The following LATS1 variants were observed in gnomAD, a reference collection of about 807,000 sequenced individuals.
The protein encoded by LATS1 is serine/threonine-protein kinase LATS1.
LATS1 carries 25 observed loss-of-function variants against 106.6 expected under a neutral mutation model. The observed-to-expected ratio is 0.23, with a 90% CI of 0.17 to 0.33. The LOEUF is 0.33. LATS1 is among the 10% of genes least tolerant of loss of function. The pLI is 1.00. For synonymous variants in LATS1, 465 were observed against 455.6 expected (o/e 1.02, Z -0.26); for missense variants, 1,040 against 1,382.6 (o/e 0.75, Z 3.93).
Position 149,679,912 on chromosome 6 carries a change from G to A in LATS1, c.2556C>T (p.Gly852=). Residue 852 remains glycine, a synonymous_variant, in exon 5 of 8, where the codon GGC becomes GGT. Coordinates refer to ENST00000543571, the MANE Select transcript of LATS1 (RefSeq NM_004690.4). ...ACTTAGAATCGTGTGTCCATCTGAA[G>A]CCAGTGCAGAGGCCAAAGTCAGTCA... is the stretch of plus-strand genomic sequence containing the variant. The part of the protein sequence containing the change: ...IKLTDFGLCT[G]FRWTHDSKYY... 1 of 1,611,060 alleles carries A rather than the reference G, an allele frequency of 6.2e-7. No homozygotes were observed. The highest frequency in any genetic ancestry group is 8.5e-7 in the Non-Finnish European group (1 of 1,178,562).
At chr6:149,696,850 T>A (rs933419713) in intron 2 of LATS1, among the ~76,000 whole-genome samples, 10 of 152,086 alleles carry the variant, frequency 6.6e-5, no homozygotes, top group African/African-American at 2.2e-4. Flanking sequence ...TAAAGTAGAG[T>A]GACACCTGGC....
chr6:149,675,109 C>T (rs146170550), intron 7 of LATS1, among the ~76,000 whole-genome samples: 7 of 150,804 alleles, frequency 4.6e-5, no homozygotes, highest in Admixed American at 2.0e-4. Flanking sequence ...CCCAGCTACT[C>T]GGGAGGCTGA....
At chr6:149,662,338 T>G in intron 7 of LATS1, 100 bp from the exon 8 acceptor site, 1 of 1,003,170 alleles carries the variant, frequency 1.0e-6, no homozygotes, top group South Asian at 1.7e-5. Flanking sequence ...ATTTTTGTAT[T>G]TTAAATAAAT....
chr6:149,701,734 C>A, intron 2 of LATS1, 45 bp downstream of exon 2: 1 of 1,425,002 alleles, frequency 7.0e-7, no homozygotes, highest in African/African-American at 1.4e-5. Flanking sequence ...TGTTATGTAG[C>A]ATAAGGTAAG....
chr6:149,666,359 TGTAATCCCA>T (rs139466118), intron 7 of LATS1, among the ~76,000 whole-genome samples: 3,645 of 152,192 alleles, frequency 0.024, 129 homozygotes, highest in African/African-American at 0.082. Context: ...GGCTCATGCC[TGTAATCCCA>T]GCACTTTGGG....
intron 5 of LATS1, 75 bp downstream of exon 5, chr6:149,679,792 TGATGATAC>T: frequency 9.6e-7 from 1 of 1,046,696 alleles, no homozygotes; most frequent in Admixed American, 2.7e-5. Flanking sequence ...TCTCATCCAG[TGATGATAC>T]CATCTTATAT....
chr6:149,682,415 CTT>C (rs869175355), intron 4 of LATS1, among the ~76,000 whole-genome samples: 17 of 138,276 alleles, frequency 1.2e-4, no homozygotes, highest in African/African-American at 1.3e-4. Flanking sequence ...TTTCTTTTTT[CTT>C]TTTTTTTTTT....
intron 1 of LATS1, among the ~76,000 whole-genome samples, chr6:149,711,697 A>T (rs370379096): frequency 9.2e-5 from 14 of 152,230 alleles, no homozygotes; most frequent in African/African-American, 2.9e-4. Context: ...GGGAAGGTAC[A>T]ACACACACTT....
intron 7 of LATS1, among the ~76,000 whole-genome samples, chr6:149,668,204 C>A (rs528909480): frequency 6.6e-6 from 1 of 150,918 alleles, no homozygotes; most frequent in South Asian, 2.1e-4. Flanking sequence ...CAGGCATGAG[C>A]CACTGCGCCC....
At chr6:149,706,437 G>C (rs780616226) in intron 1 of LATS1, among the ~76,000 whole-genome samples, 1 of 151,748 alleles carries the variant, frequency 6.6e-6, no homozygotes. Flanking sequence ...TTGAGCCCAG[G>C]AGGTAGAGGC....
In LATS1 at chr6:149,683,848, C is replaced by T; in HGVS notation, c.1241G>A (p.Arg414Lys). The T allele has an allele frequency of 1.2e-6, 2 of 1,614,114 alleles. No individual in the cohort carries two copies. The highest frequency in any genetic ancestry group is 1.7e-6 in the Non-Finnish European group (2 of 1,180,034). Reference protein sequence around the residue: ...SIPQSMMVPNRNSHNMELYNI... With the variant: ...SIPQSMMVPNKNSHNMELYNI... ...ATATAGTTCCATGTTATGACTATTT[C>T]TGTTTGGCACCATCATAGACTGAGG... is the stretch of plus-strand genomic sequence containing the variant. The change falls in exon 4 of 8, where the codon AGA becomes AAA. Residue 414 changes from arginine to lysine, a missense_variant. This residue lies in a region of LATS1 where 624 missense variants were observed against 714.8 expected (regional missense o/e 0.87). Coordinates refer to ENST00000543571, the MANE Select transcript of LATS1 (RefSeq NM_004690.4).
At chr6:149,690,236 G>A (rs569489279) in intron 3 of LATS1, among the ~76,000 whole-genome samples, 10 of 141,954 alleles carry the variant, frequency 7.0e-5, no homozygotes, top group Admixed American at 2.8e-4. Flanking sequence ...TTTTTGAGAC[G>A]GAGTTTTGTT....
rs1783477660 is a variant in LATS1, at chr6:149,701,808, G to T, written c.319C>A (p.Gln107Lys). The T allele has an allele frequency of 6.2e-7, 1 of 1,613,126 alleles. No individual in the cohort carries two copies. Among genetic ancestry groups the T allele is most frequent in the Admixed American group, 1.7e-5 (1 of 59,928 alleles). Residue 107 changes from glutamine (Q) to lysine (K), a missense_variant, in exon 2 of 8, where the codon CAA becomes AAA. Gln to Lys is a moderately conservative substitution (Grantham distance 53, BLOSUM62 1). Around this residue, in one of 7 missense-constraint regions of LATS1, gnomAD observed 624 missense variants for 714.8 expected, o/e 0.87. Coordinates refer to ENST00000543571, the MANE Select transcript of LATS1 (RefSeq NM_004690.4). ...TCAAATCCAGCAGCTTGCAAGTCTT[G>T]AAGCATTTGTGGATTAACTTCTGAA... Reference protein sequence around the residue: ...STSEVNPQMLQDLQAAGFDED... With the variant: ...STSEVNPQMLKDLQAAGFDED...
chr6:149,716,856 G>A (rs570423148), intron 1 of LATS1, among the ~76,000 whole-genome samples: 2 of 152,236 alleles, frequency 1.3e-5, no homozygotes, highest in East Asian at 3.9e-4. Flanking sequence ...CTTTGTTTTC[G>A]TAGCACAGAA....
At chr6:149,673,493 G>A (rs1257297753) in intron 7 of LATS1, among the ~76,000 whole-genome samples, 1 of 151,656 alleles carries the variant, frequency 6.6e-6, no homozygotes, top group Non-Finnish European at 1.5e-5. Context: ...TCAACCTTAG[G>A]GAGAAAGCAT....
intron 7 of LATS1, among the ~76,000 whole-genome samples, chr6:149,673,728 C>T (rs1457430318): frequency 2.7e-5 from 4 of 150,342 alleles, no homozygotes; most frequent in Non-Finnish European, 5.9e-5. Context: ...GGCTGGAGTG[C>T]AATGGCGCGA....
At chr6:149,697,106 T>C in intron 2 of LATS1, 1 of 1,330,144 alleles carries the variant, frequency 7.5e-7, no homozygotes, top group Non-Finnish European at 1.0e-6. Flanking sequence ...CCTAGAGGAT[T>C]CAGTATTTCA....
chr6:149,715,910 A>T (rs547814360), intron 1 of LATS1, among the ~76,000 whole-genome samples: 19 of 152,298 alleles, frequency 1.2e-4, no homozygotes, highest in African/African-American at 3.4e-4. Context: ...TTTTTAACCC[A>T]CACTACGATG....
intron 3 of LATS1, among the ~76,000 whole-genome samples, chr6:149,687,137 C>G (rs1425087767): frequency 8.6e-5 from 13 of 151,336 alleles, no homozygotes; most frequent in African/African-American, 2.4e-4. Context: ...GTCGCCCAGG[C>G]TGGAGCGCGG....
Sources: gnomAD v4.1 joint callset for allele counts (sites outside exome capture counted in the v4.1 genomes callset) on GRCh38, gnomAD v4.1.1 for gene constraint, gnomAD v4.1.1 regional missense constraint, MANE v1.5 for transcripts, NCBI Gene and HGNC (gene_info 2026-07-23, HGNC 2026-07-21) for gene names.